Variants in LRRN3 observed in about 807,000 individuals in gnomAD.
The protein encoded by LRRN3 is leucine rich repeat neuronal 3, also known as leucine-rich repeat neuronal protein 3.
LRRN3 carries 15 observed loss-of-function variants against 40.1 expected under a neutral mutation model. The ratio of observed to expected loss-of-function variants is 0.37; its 90% confidence interval spans 0.25 to 0.58. The LOEUF (loss-of-function observed/expected upper bound fraction) is 0.58. Ranked by LOEUF, LRRN3 falls within the 20% of genes least tolerant of loss-of-function variation. The pLI is 0.72. For synonymous variants in LRRN3, 308 were observed against 297.2 expected, an observed-to-expected ratio of 1.04 and a Z score of -0.37; for missense variants, 746 against 837.7, an observed-to-expected ratio of 0.89 and a Z score of 1.35.
intron 2 of LRRN3, among the ~76,000 whole-genome samples, chr7:111,121,521 C>T (rs1486238346): frequency 6.6e-6 from 1 of 152,098 alleles, no homozygotes; most frequent in Non-Finnish European, 1.5e-5. Context: ...AAATCAAAAC[C>T]ACAATGAGAT....
chr7:111,116,091 T>C (rs1191874757), intron 2 of LRRN3, among the ~76,000 whole-genome samples: 30 of 152,184 alleles, frequency 2.0e-4, no homozygotes, highest in Admixed American at 2.0e-3. Context: ...AAAGCATATC[T>C]TGAGACTCAG....
At chr7:111,093,797 T>G (rs1797115193) in intron 1 of LRRN3, among the ~76,000 whole-genome samples, 1 of 152,170 alleles carries the variant, frequency 6.6e-6, no homozygotes, top group Non-Finnish European at 1.5e-5. Flanking sequence ...CTGGAAGATT[T>G]ACCCATAGTC....
chr7:111,100,101 T>C (rs927077477), intron 2 of LRRN3, 139 bp downstream of exon 2: 6 of 151,642 alleles, frequency 4.0e-5, no homozygotes, highest in Non-Finnish European at 7.4e-5. Context: ...CTGAAGCCCA[T>C]GTTATGGTGT....
At chr7:111,107,086 C>A (rs925377519) in intron 2 of LRRN3, among the ~76,000 whole-genome samples, 1 of 151,882 alleles carries the variant, frequency 6.6e-6, no homozygotes, top group Admixed American at 6.6e-5. Flanking sequence ...TTTGCAGATG[C>A]TCATGAATAG....
At chr7:111,114,903 G>A (rs1799690871) in intron 2 of LRRN3, among the ~76,000 whole-genome samples, 1 of 152,004 alleles carries the variant, frequency 6.6e-6, no homozygotes, top group Admixed American at 6.5e-5. Context: ...TAACTCCCGG[G>A]TCTGCATACT....
At chr7:111,093,839 C>T (rs978905560) in intron 1 of LRRN3, among the ~76,000 whole-genome samples, 1 of 152,240 alleles carries the variant, frequency 6.6e-6, no homozygotes, top group African/African-American at 2.4e-5. Flanking sequence ...CCAGAAATAG[C>T]ACCTTCCTGG....
chr7:111,099,174 G>A (rs1018532063), intron 1 of LRRN3, among the ~76,000 whole-genome samples: 2 of 151,574 alleles, frequency 1.3e-5, no homozygotes, highest in Non-Finnish European at 3.0e-5. Context: ...AGGTCATGCA[G>A]TATAATAAGT....
chr7:111,102,799 C>T (rs1408844561), intron 2 of LRRN3, among the ~76,000 whole-genome samples: 2 of 151,542 alleles, frequency 1.3e-5, no homozygotes, highest in Non-Finnish European at 3.0e-5. Flanking sequence ...CCATTCTTCA[C>T]TAATCCTCTT....
chr7:111,092,014 G>A (rs1252386468), intron 1 of LRRN3, among the ~76,000 whole-genome samples: 1 of 152,134 alleles, frequency 6.6e-6, no homozygotes, highest in Non-Finnish European at 1.5e-5. Context: ...TTTTTATTTT[G>A]TCTCATCCAG....
In LRRN3 at chr7:111,120,937, C is replaced by CAA. The variant is rs545042207; in HGVS notation, c.-358-1468_-358-1467dup. Among the ~76,000 whole-genome samples, 840 of 132,064 alleles carry CAA rather than the reference C, an allele frequency of 6.4e-3. 14 individuals carry two copies. Among genetic ancestry groups the CAA allele is most frequent in the African/African-American group, 0.022 (806 of 37,438 alleles). The allele number at this position is 132,064 out of a possible 152,430, so 86.6% of individuals were successfully genotyped here. ...CCTTTTATGTTGCCTCTCTAACAGGCAAAAAAAAAAAGCCATGAACAGTTG... is the reference window on the plus strand; with the variant it reads ...CCTTTTATGTTGCCTCTCTAACAGGCAAAAAAAAAAAAAGCCATGAACAGTTG... On this transcript the variant is annotated intron_variant, in intron 2 of 2. Transcript: ENST00000308478.
intron 2 of LRRN3, among the ~76,000 whole-genome samples, chr7:111,104,844 G>C (rs1798368180): frequency 6.6e-6 from 1 of 151,766 alleles, no homozygotes; most frequent in African/African-American, 2.4e-5. Flanking sequence ...TTTAGAACGA[G>C]AGGGTCATGG....
intron 2 of LRRN3, among the ~76,000 whole-genome samples, chr7:111,120,524 A>G (rs769561724): frequency 2.0e-5 from 3 of 152,176 alleles, no homozygotes; most frequent in Non-Finnish European, 4.4e-5. Context: ...ACAATTCAAG[A>G]TGAGATTTGG....
chr7:111,098,546 ATC>A (rs1797639169), intron 1 of LRRN3, among the ~76,000 whole-genome samples: 1 of 151,782 alleles, frequency 6.6e-6, no homozygotes, highest in Non-Finnish European at 1.5e-5. Context: ...AAACCACATC[ATC>A]TCTCTTAGAC....
In LRRN3 at chr7:111,122,772, G is replaced by C; in HGVS notation, c.-1G>C. The stretch of plus-strand genomic sequence containing the variant: ...TTACATTTCTGAAGAAGAAAGCTAA[G>C]ATGAAGGACATGCCACTCCGAATTC... On this transcript the variant is annotated 5_prime_UTR_variant, in exon 3 of 3. Transcript: ENST00000308478. The C allele has an allele frequency of 6.2e-7, 1 of 1,609,186 alleles. No homozygotes were observed. Among genetic ancestry groups the C allele is most frequent in the African/African-American group, 1.3e-5 (1 of 74,876 alleles).
chr7:111,123,560 A>C lies in LRRN3; in HGVS notation c.788A>C (p.Lys263Thr), dbSNP rs769437944. Residue 263 changes from lysine (K) to threonine (T), a missense_variant, in exon 3 of 3, where the codon AAA (lysine) becomes ACA (threonine). Coordinates refer to ENST00000308478, the MANE Select transcript of LRRN3 (RefSeq NM_001099658.2). This position sits in a 1 kb window ranked among gnomAD's most constrained non-coding sequence, Gnocchi z 6.4. ...GCTCTTCAAAAAGTTGTAAATCTCA[A>C]ATTTTTGGATCTAAATAAAAATCCT... ...HVALQKVVNLKFLDLNKNPIN... is the reference protein window; with the variant it reads ...HVALQKVVNLTFLDLNKNPIN... 7 of 1,613,770 alleles carry C rather than the reference A, an allele frequency of 4.3e-6. No homozygotes were observed. Among genetic ancestry groups the C allele is most frequent in the African/African-American group, 1.3e-5 (1 of 75,020 alleles).
rs1275382607 is a variant in LRRN3, at chr7:111,099,433, T to A, written c.-440-448T>A. On this transcript the variant is annotated intron_variant, in intron 1 of 2. Coordinates refer to ENST00000308478, the MANE Select transcript of LRRN3 (RefSeq NM_001099658.2). Reference sequence around the variant, plus strand: ...CCCTGCAAAGTTAATTGATGAAAGCTGTAATTTGCTTTTCAAACTGAGGAT... The same window carrying A: ...CCCTGCAAAGTTAATTGATGAAAGCAGTAATTTGCTTTTCAAACTGAGGAT... 2.6e-5 allele frequency among the ~76,000 whole-genome samples: 4 copies of A among 151,758 alleles called. No homozygotes were observed. The Admixed American group carries it at 2.6e-4, about 10-fold the overall frequency.
intron 1 of LRRN3, among the ~76,000 whole-genome samples, chr7:111,096,662 T>G (rs1426479760): frequency 6.6e-6 from 1 of 151,680 alleles, no homozygotes; most frequent in South Asian, 2.1e-4. Flanking sequence ...CTGGAAAAAA[T>G]GAGATGAGTA....
At chr7:111,111,630 G>A (rs946396461) in intron 2 of LRRN3, among the ~76,000 whole-genome samples, 5 of 151,826 alleles carry the variant, frequency 3.3e-5, no homozygotes, top group Admixed American at 2.6e-4. Flanking sequence ...AAGCTCTTAC[G>A]AACAGAAATA....
chr7:111,098,179 T>C (rs560209887), intron 1 of LRRN3, among the ~76,000 whole-genome samples: 2 of 151,964 alleles, frequency 1.3e-5, no homozygotes, highest in South Asian at 4.1e-4. Context: ...CCAAGTCAAT[T>C]TGTTGTGTGA....
Sources: gnomAD v4.1 joint callset for allele counts (sites outside exome capture counted in the v4.1 genomes callset) on GRCh38, gnomAD v4.1.1 for gene constraint, Gnocchi (gnomAD v3.1) non-coding constraint, MANE v1.5 for transcripts, NCBI Gene and HGNC (gene_info 2026-07-23, HGNC 2026-07-21) for gene names.